CNTN6: variants seen among roughly 807,000 people sequenced by gnomAD.
CNTN6 encodes contactin 6, also known as contactin-6.
Under a neutral mutation model 122.8 loss-of-function variants are expected in CNTN6, and 137 were observed. The ratio of observed to expected loss-of-function variants is 1.12; its 90% CI spans 0.97 to 1.29. The LOEUF is 1.29. Ranked by LOEUF, CNTN6 falls within the 50% of genes most tolerant of loss-of-function variation. The pLI is 0.00. For synonymous variants in CNTN6, 570 were observed against 426.0 expected (o/e 1.34, Z -4.16); for missense variants, 1,634 against 1,223.4 (o/e 1.34, Z -5.01).
intron 20 of CNTN6, among the ~76,000 whole-genome samples, chr3:1,392,062 G>A (rs569259537): frequency 4.5e-4 from 69 of 152,182 alleles, no homozygotes; most frequent in Non-Finnish European, 7.9e-4. Context: ...CTACTTTAAA[G>A]TTCATATGGA....
At chr3:1,388,689 T>G (rs1031665153) in intron 20 of CNTN6, among the ~76,000 whole-genome samples, 8 of 145,742 alleles carry the variant, frequency 5.5e-5, no homozygotes, top group African/African-American at 2.0e-4. Context: ...AATGTATAAC[T>G]AGAATAACCA....
chr3:1,205,232 C>G (rs2093942545), intron 2 of CNTN6, among the ~76,000 whole-genome samples: 1 of 152,104 alleles, frequency 6.6e-6, no homozygotes, highest in Admixed American at 6.6e-5. Context: ...AAATGCAGCC[C>G]TGATGACATC....
intron 20 of CNTN6, 113 bp downstream of exon 20, chr3:1,385,910 G>A (rs1182080788): frequency 9.5e-6 from 10 of 1,047,356 alleles, no homozygotes; most frequent in Non-Finnish European, 1.4e-5. Context: ...TGGTTACTTT[G>A]GTTAGTTGGT....
chr3:1,360,959 C>T (rs72995956), intron 12 of CNTN6, among the ~76,000 whole-genome samples: 3 of 152,002 alleles, frequency 2.0e-5, no homozygotes, highest in Non-Finnish European at 4.4e-5. Flanking sequence ...TTCAATTGCC[C>T]CAAAATGGTT....
intron 7 of CNTN6, among the ~76,000 whole-genome samples, chr3:1,304,708 C>T (rs573277504): frequency 1.2e-4 from 18 of 151,834 alleles, no homozygotes; most frequent in East Asian, 1.9e-4. Flanking sequence ...TAAAAATAAC[C>T]CTTGGCCGGG....
chr3:1,177,258 T>G (rs751972033), intron 2 of CNTN6, among the ~76,000 whole-genome samples: 4 of 152,060 alleles, frequency 2.6e-5, no homozygotes, highest in Non-Finnish European at 4.4e-5. Flanking sequence ...TTTTGGGGGG[T>G]TTGTTGAATA....
intron 12 of CNTN6, among the ~76,000 whole-genome samples, chr3:1,358,662 T>C (rs76218998): frequency 0.023 from 3,543 of 152,080 alleles, 49 homozygotes; most frequent in Non-Finnish European, 0.033. Flanking sequence ...CCTCTTTTTT[T>C]GGGTTTTATT....
chr3:1,140,514 A>G (rs2092584453), intron 1 of CNTN6, among the ~76,000 whole-genome samples: 1 of 152,206 alleles, frequency 6.6e-6, no homozygotes, highest in African/African-American at 2.4e-5. Flanking sequence ...ATGAAAATAG[A>G]AAGCTGACTT....
chr3:1,294,265 A>G (rs545958332), intron 5 of CNTN6, among the ~76,000 whole-genome samples: 30 of 152,324 alleles, frequency 2.0e-4, no homozygotes, highest in African/African-American at 6.5e-4. Context: ...ACTATCCACA[A>G]TATAATGGAA....
chr3:1,367,972 A>G (rs969799950), intron 12 of CNTN6, among the ~76,000 whole-genome samples: 4 of 152,228 alleles, frequency 2.6e-5, no homozygotes, highest in Admixed American at 2.6e-4. Context: ...CCTGAGCACC[A>G]GAACAGAAAT....
Position 1,373,612 on chromosome 3 carries a change from G to A in CNTN6, c.1795G>A (p.Gly599Ser), listed in dbSNP as rs762273126. 1 of 1,610,634 alleles carries A rather than the reference G, an allele frequency of 6.2e-7. No individual in the cohort carries two copies. Among genetic ancestry groups the A allele is most frequent in the Admixed American group, 1.7e-5 (1 of 59,336 alleles). ...AAAACATTTTTTTCAAGGTCCACCAGGTCCTCCTGAGGATGTGCAAGTGGA... is the reference window on the plus strand; with the variant it reads ...AAAACATTTTTTTCAAGGTCCACCAAGTCCTCCTGAGGATGTGCAAGTGGA... ...VADIIVRGPPGPPEDVQVEDI... is the reference protein window; with the variant it reads ...VADIIVRGPPSPPEDVQVEDI... Residue 599 changes from glycine (G) to serine (S), a missense_variant, in exon 15 of 23, where the codon GGT becomes AGT. Physicochemically the swap from Gly to Ser is moderately conservative, Grantham distance 56. Transcript: ENST00000446702.
chr3:1,292,371 A>T (rs142639480), intron 5 of CNTN6, among the ~76,000 whole-genome samples: 2 of 151,980 alleles, frequency 1.3e-5, no homozygotes, highest in Non-Finnish European at 2.9e-5. Context: ...GCTACATTTT[A>T]TTTTTTATCT....
intron 1 of CNTN6, among the ~76,000 whole-genome samples, chr3:1,122,087 T>C (rs1232864153): frequency 6.6e-6 from 1 of 151,962 alleles, no homozygotes; most frequent in Non-Finnish European, 1.5e-5. Flanking sequence ...GAATTATTTT[T>C]TTGCAAATCA....
intron 2 of CNTN6, among the ~76,000 whole-genome samples, chr3:1,167,832 C>T (rs2093285829): frequency 1.3e-5 from 2 of 152,198 alleles, no homozygotes; most frequent in African/African-American, 4.8e-5. Flanking sequence ...ATATTGAGCA[C>T]TCATATGTGC....
intron 1 of CNTN6, among the ~76,000 whole-genome samples, chr3:1,132,883 C>T (rs2092376850): frequency 6.6e-6 from 1 of 152,024 alleles, no homozygotes; most frequent in African/African-American, 2.4e-5. Context: ...CAAGGAGACT[C>T]TCCTGAATTC....
Position 1,147,960 on chromosome 3 carries a change from T to A in CNTN6, c.-49T>A. The A allele has an allele frequency of 7.1e-7, 1 of 1,402,974 alleles. No individual in the cohort carries two copies. The highest frequency in any genetic ancestry group is 1.2e-5 in the South Asian group (1 of 85,572). The allele number at this position is 1,402,974 out of a possible 1,614,324, so 86.9% of individuals were successfully genotyped here. A position where few individuals can be genotyped will look rare whatever the true frequency, so the allele number is the denominator to read the frequency against. ...GATACTGACTGGAAGATAGACTGTT[T>A]TGTTCCACCTGATTGTATGGGAGAA... On this transcript the variant is annotated 5_prime_UTR_variant, in exon 2 of 23. The change creates a new upstream start codon in the 5' untranslated region. Coordinates refer to ENST00000446702, the MANE Select transcript of CNTN6 (RefSeq NM_001289080.2).
chr3:1,202,290 C>T (rs946356699), intron 2 of CNTN6, among the ~76,000 whole-genome samples: 12 of 152,234 alleles, frequency 7.9e-5, no homozygotes, highest in Non-Finnish European at 1.2e-4. Context: ...CCTGTAATCC[C>T]AGCACTTCGG....
intron 2 of CNTN6, among the ~76,000 whole-genome samples, chr3:1,217,671 A>C (rs1488670814): frequency 6.6e-6 from 1 of 152,192 alleles, no homozygotes; most frequent in African/African-American, 2.4e-5. Context: ...TAGTCCTTTA[A>C]AAGGTGAGAA....
intron 2 of CNTN6, among the ~76,000 whole-genome samples, chr3:1,214,054 C>T (rs1462222147): frequency 2.0e-5 from 3 of 151,834 alleles, no homozygotes; most frequent in Non-Finnish European, 2.9e-5. Context: ...GAGGTTGTAG[C>T]ATTTATATTC....
Sources: allele counts gnomAD v4.1 joint callset (sites outside exome capture counted in the v4.1 genomes callset), GRCh38; gene constraint gnomAD v4.1.1; transcripts MANE v1.5; gene names NCBI Gene and HGNC (gene_info 2026-07-23, HGNC 2026-07-21).